The following LHFPL6 variants were observed in gnomAD, a reference collection of about 807,000 sequenced individuals.
The protein encoded by LHFPL6 is LHFPL tetraspan subfamily member 6, also known as LHFPL tetraspan subfamily member 6 protein.
A neutral mutation model predicts 20.6 loss-of-function variants in LHFPL6; 9 were observed. That is an observed-to-expected ratio of 0.44 (90% CI 0.26 to 0.76). The LOEUF (loss-of-function observed/expected upper bound fraction) is 0.76, where lower values mean the gene tolerates loss of function less well. LHFPL6 is among the 30% of genes least tolerant of loss of function. The pLI is 0.20. For missense variants in LHFPL6, 218 were observed against 253.5 expected (o/e 0.86, Z 0.95); for synonymous variants, 105 against 98.7 (o/e 1.06, Z -0.38).
chr13:39,454,840 G>A (rs1872532423), intron 2 of LHFPL6, among the ~76,000 whole-genome samples: 1 of 152,112 alleles, frequency 6.6e-6, no homozygotes. Context: ...TTTAAGGAGT[G>A]GAGATACAAT....
intron 2 of LHFPL6, among the ~76,000 whole-genome samples, chr13:39,566,731 TAAAAAAAA>T (rs3035077): frequency 4.3e-5 from 3 of 70,088 alleles, no homozygotes; most frequent in African/African-American, 5.7e-5. Context: ...AGACCCTGTC[TAAAAAAAA>T]AAAAAAAAAA....
chr13:39,482,195 G>C (rs1868549592), intron 2 of LHFPL6, among the ~76,000 whole-genome samples: 1 of 152,138 alleles, frequency 6.6e-6, no homozygotes, highest in Admixed American at 6.5e-5. Context: ...TGTAATCCCA[G>C]CACTTTGGGA....
intron 3 of LHFPL6, among the ~76,000 whole-genome samples, chr13:39,348,834 C>G (rs1199038340): frequency 2.0e-5 from 3 of 152,152 alleles, no homozygotes; most frequent in African/African-American, 4.8e-5. Context: ...TAGGGCAAAT[C>G]CTTGTCTTGC....
chr13:39,562,832 C>T (rs1050002864), intron 2 of LHFPL6, among the ~76,000 whole-genome samples: 2 of 151,800 alleles, frequency 1.3e-5, no homozygotes, highest in East Asian at 1.9e-4. Flanking sequence ...CCCACCAGAG[C>T]GCCATTCAGT....
chr13:39,350,919 T>C (rs1869554150), intron 3 of LHFPL6, among the ~76,000 whole-genome samples: 1 of 152,178 alleles, frequency 6.6e-6, no homozygotes. Flanking sequence ...GTATAGCTTT[T>C]GGAAGTGATA....
At chr13:39,408,384 T>C (rs1293540271) in intron 2 of LHFPL6, among the ~76,000 whole-genome samples, 2 of 152,208 alleles carry the variant, frequency 1.3e-5, no homozygotes, top group African/African-American at 4.8e-5. Context: ...CATCCCCAAA[T>C]TGAAAACAAT....
intron 3 of LHFPL6, among the ~76,000 whole-genome samples, chr13:39,368,819 T>G (rs1213650682): frequency 6.6e-6 from 1 of 152,138 alleles, no homozygotes; most frequent in South Asian, 2.1e-4. Flanking sequence ...ATTATTTCAG[T>G]CTTGATTTCT....
chr13:39,512,815 A>G (rs764573318), intron 2 of LHFPL6, among the ~76,000 whole-genome samples: 23 of 152,344 alleles, frequency 1.5e-4, no homozygotes, highest in Middle Eastern at 3.4e-3. Context: ...AGAAGACAAG[A>G]TAAGTATCTA....
intron 2 of LHFPL6, among the ~76,000 whole-genome samples, chr13:39,437,406 A>AC (rs1871990106): frequency 6.6e-6 from 1 of 151,236 alleles, no homozygotes; most frequent in African/African-American, 2.4e-5. Flanking sequence ...AGTATATAGC[A>AC]CCTCCCCACT....
At chr13:39,480,431 T>A (rs1238556882) in intron 2 of LHFPL6, among the ~76,000 whole-genome samples, 2 of 152,202 alleles carry the variant, frequency 1.3e-5, no homozygotes, top group Non-Finnish European at 2.9e-5. Context: ...GCCCTGTCAT[T>A]TGTTTACTGT....
chr13:39,456,854 T>C (rs1009338019), intron 2 of LHFPL6, among the ~76,000 whole-genome samples: 1 of 151,970 alleles, frequency 6.6e-6, no homozygotes, highest in African/African-American at 2.4e-5. Flanking sequence ...TGGAGTGCAA[T>C]GGCGTGATCT....
intron 2 of LHFPL6, among the ~76,000 whole-genome samples, chr13:39,404,501 T>TG (rs1268525669): frequency 6.6e-6 from 1 of 152,158 alleles, no homozygotes; most frequent in Admixed American, 6.5e-5. Flanking sequence ...AAAATCCCAA[T>TG]GCCCAGGCCA....
At chr13:39,454,899 G>C (rs879407298) in intron 2 of LHFPL6, among the ~76,000 whole-genome samples, 2 of 152,130 alleles carry the variant, frequency 1.3e-5, no homozygotes, top group Non-Finnish European at 2.9e-5. Flanking sequence ...CATTTTAAAT[G>C]CATCTGGAAA....
chr13:39,579,298 C>T (rs1045228401), intron 2 of LHFPL6, among the ~76,000 whole-genome samples: 2 of 152,198 alleles, frequency 1.3e-5, no homozygotes, highest in African/African-American at 4.8e-5. Flanking sequence ...CATTTTGAAA[C>T]AAATGTGATA....
chr13:39,540,219 T>C (rs1365986229), intron 2 of LHFPL6, among the ~76,000 whole-genome samples: 1 of 152,152 alleles, frequency 6.6e-6, no homozygotes, highest in Non-Finnish European at 1.5e-5. Context: ...ATTTTCATGA[T>C]AATATATTTT....
chr13:39,585,450 A>G (rs541768673), intron 2 of LHFPL6, among the ~76,000 whole-genome samples: 22 of 152,324 alleles, frequency 1.4e-4, no homozygotes, highest in African/African-American at 4.6e-4. Context: ...ACTCATAGAC[A>G]ACAATCAAGG....
intron 2 of LHFPL6, among the ~76,000 whole-genome samples, chr13:39,449,081 T>C (rs1030161654): frequency 2.0e-5 from 3 of 152,230 alleles, no homozygotes; most frequent in Non-Finnish European, 2.9e-5. Context: ...GAGGTGCTAC[T>C]GGCCTCACAA....
At chr13:39,491,698 G>A (rs374384003) in intron 2 of LHFPL6, among the ~76,000 whole-genome samples, 3 of 152,264 alleles carry the variant, frequency 2.0e-5, no homozygotes, top group African/African-American at 4.8e-5. Flanking sequence ...CTAAAGTAGG[G>A]CTGTCCAATA....
In LHFPL6 at chr13:39,378,530, C is replaced by T. The variant is rs187660812; in HGVS notation, c.386-4G>A. 113 of 1,611,928 alleles carry T rather than the reference C, an allele frequency of 7.0e-5. No individual in the cohort carries two copies. In the Admixed American group the frequency reaches 1.5e-3, roughly 21 times the overall value. On this transcript the variant is annotated splice_polypyrimidine_tract_variant and splice_region_variant and intron_variant, in intron 2 of 3. Transcript: ENST00000379589. The stretch of plus-strand genomic sequence containing the variant: ...CAGCCAGCACCAATCAACAAGCCTG[C>T]AAAGAGATAAGACAAGAGGGCTTTA...
Sources: allele counts gnomAD v4.1 joint callset (sites outside exome capture counted in the v4.1 genomes callset), GRCh38; gene constraint gnomAD v4.1.1; transcripts MANE v1.5; gene names NCBI Gene and HGNC (gene_info 2026-07-23, HGNC 2026-07-21).